The following IL1RAPL2 variants were observed in gnomAD, a reference collection of about 807,000 sequenced individuals.
IL1RAPL2 encodes the protein X-linked interleukin-1 receptor accessory protein-like 2.
A neutral mutation model predicts 44.1 loss-of-function variants in IL1RAPL2; 3 were observed. The ratio of observed to expected loss-of-function variants is 0.07; its 90% CI spans 0.03 to 0.18. The LOEUF (loss-of-function observed/expected upper bound fraction) is 0.18, where lower values mean the gene tolerates loss of function less well. IL1RAPL2 is among the 10% of genes least tolerant of loss of function. IL1RAPL2 has a pLI of 1.00. For missense variants in IL1RAPL2, 391 were observed against 496.4 expected (o/e 0.79, Z 2.02); for synonymous variants, 181 against 178.8 (o/e 1.01, Z -0.10).
intron 2 of IL1RAPL2, among the ~76,000 whole-genome samples, chrX:104,744,457 T>C (rs1932141018): frequency 9.0e-6 from 1 of 111,600 alleles, no homozygotes; most frequent in African/African-American, 3.3e-5. Context: ...TGTGTGACTT[T>C]CATCAAGTAA....
intron 2 of IL1RAPL2, among the ~76,000 whole-genome samples, chrX:104,724,263 G>A (rs778205598): frequency 2.3e-4 from 25 of 111,047 alleles, no homozygotes; most frequent in Non-Finnish European, 4.0e-4. Context: ...GAGGGATGAA[G>A]GGATGGCAAA....
At chrX:105,142,767 TCCCTCCCCCCTA>T (rs2033137353) in intron 2 of IL1RAPL2, among the ~76,000 whole-genome samples, 1 of 109,695 alleles carries the variant, frequency 9.1e-6, no homozygotes, top group Non-Finnish European at 1.9e-5. Context: ...TCCTAATGCA[TCCCTCCCCCCTA>T]CCCTCACCCC....
chrX:105,184,009 G>A (rs1484644641), intron 2 of IL1RAPL2, among the ~76,000 whole-genome samples: 4 of 111,167 alleles, frequency 3.6e-5, no homozygotes, highest in Non-Finnish European at 7.5e-5. Flanking sequence ...ATTAGTGCCA[G>A]GTTCCAGGAA....
intron 5 of IL1RAPL2, among the ~76,000 whole-genome samples, chrX:105,341,953 T>C (rs1449654947): frequency 9.1e-6 from 1 of 109,360 alleles, no homozygotes; most frequent in Non-Finnish European, 1.9e-5. Flanking sequence ...ATGTGGCACA[T>C]ATACACCATG....
intron 6 of IL1RAPL2, among the ~76,000 whole-genome samples, chrX:105,506,202 C>T (rs1160829030): frequency 3.6e-5 from 4 of 111,122 alleles, no homozygotes; most frequent in Non-Finnish European, 7.5e-5. Flanking sequence ...ATTTCAGTTA[C>T]CTATTACTCT....
At chrX:105,135,253 G>C (rs2033065585) in intron 2 of IL1RAPL2, among the ~76,000 whole-genome samples, 1 of 111,214 alleles carries the variant, frequency 9.0e-6, no homozygotes, top group Non-Finnish European at 1.9e-5. Context: ...ATTGTAGTGG[G>C]TGACTGGTGG....
chrX:105,381,630 T>C (rs1253636934), intron 5 of IL1RAPL2, among the ~76,000 whole-genome samples: 2 of 111,799 alleles, frequency 1.8e-5, no homozygotes, highest in Non-Finnish European at 3.8e-5. Flanking sequence ...TATGTGTATA[T>C]AATAGCTGTA....
intron 2 of IL1RAPL2, among the ~76,000 whole-genome samples, chrX:104,740,216 G>A (rs1932080610): frequency 9.0e-6 from 1 of 110,995 alleles, no homozygotes. Flanking sequence ...TCTAGTACAT[G>A]GTTTCAGGTC....
intron 7 of IL1RAPL2, among the ~76,000 whole-genome samples, chrX:105,737,822 C>T (rs1289703863): frequency 9.0e-6 from 1 of 111,525 alleles, no homozygotes; most frequent in Non-Finnish European, 1.9e-5. Flanking sequence ...CAATATAAAC[C>T]ATGAAAGTAG....
At chrX:105,187,721 G>C (rs1258703236) in intron 2 of IL1RAPL2, among the ~76,000 whole-genome samples, 1 of 111,693 alleles carries the variant, frequency 9.0e-6, no homozygotes, top group African/African-American at 3.3e-5. Flanking sequence ...TGGTTACAGG[G>C]GTGGAAAGTG....
chrX:104,914,522 T>C (rs1312602938), intron 2 of IL1RAPL2, among the ~76,000 whole-genome samples: 5 of 112,161 alleles, frequency 4.5e-5, no homozygotes, highest in Non-Finnish European at 9.4e-5. Context: ...CTATTGTTAA[T>C]TGAGAAAAGC....
intron 6 of IL1RAPL2, among the ~76,000 whole-genome samples, chrX:105,583,386 G>A (rs755919800): frequency 2.3e-4 from 26 of 110,921 alleles, no homozygotes; most frequent in Non-Finnish European, 4.7e-4. Context: ...CCCCTGCCTC[G>A]GCCTCCCAAA....
chrX:105,343,109 T>C (rs1016841713), intron 5 of IL1RAPL2, among the ~76,000 whole-genome samples: 1 of 111,710 alleles, frequency 9.0e-6, no homozygotes, highest in Non-Finnish European at 1.9e-5. Context: ...CAGGTAGCTA[T>C]GTTGAAGAGG....
At chrX:105,547,525 T>C (rs2036812930) in intron 6 of IL1RAPL2, among the ~76,000 whole-genome samples, 1 of 111,892 alleles carries the variant, frequency 8.9e-6, no homozygotes, top group Non-Finnish European at 1.9e-5. Flanking sequence ...GGGTCACCAA[T>C]TTGGGCCAAG....
intron 2 of IL1RAPL2, among the ~76,000 whole-genome samples, chrX:104,868,438 G>A (rs1414734757): frequency 9.0e-6 from 1 of 111,473 alleles, no homozygotes; most frequent in Non-Finnish European, 1.9e-5. Context: ...GAAAAATACC[G>A]ACGAAAACAA....
chrX:104,959,102 C>T (rs894337836), intron 2 of IL1RAPL2, among the ~76,000 whole-genome samples: 13 of 110,659 alleles, frequency 1.2e-4, no homozygotes, highest in Non-Finnish European at 1.3e-4. Context: ...TGTACCTCTC[C>T]TGATCAGATG....
intron 4 of IL1RAPL2, among the ~76,000 whole-genome samples, chrX:105,266,600 G>T (rs1399983726): frequency 8.9e-6 from 1 of 111,829 alleles, no homozygotes; most frequent in Non-Finnish European, 1.9e-5. Flanking sequence ...CCTTTCTAGA[G>T]AAGTCCAATC....
rs759412384 is a variant in IL1RAPL2, at chrX:105,577,232, G to A, written c.772+92845G>A. On this transcript the variant is annotated intron_variant, in intron 6 of 10. Transcript: ENST00000372582. ...AAAAATGGGCCTATATGATACTACC[G>A]GAAAATTACTTCCAGAAATAATTGC... is the stretch of plus-strand genomic sequence containing the variant. Among the ~76,000 whole-genome samples the A allele has an allele frequency of 2.2e-3, 247 of 111,030 alleles. 1 individual carries two copies. The Middle Eastern group carries it at 0.028, about 12-fold the overall frequency.
intron 3 of IL1RAPL2, among the ~76,000 whole-genome samples, chrX:105,208,743 A>C (rs1307190657): frequency 4.5e-5 from 5 of 111,701 alleles, no homozygotes; most frequent in African/African-American, 1.6e-4. Context: ...TACATTTTTA[A>C]TTTTTTATTC....
Sources: allele counts gnomAD v4.1 joint callset (sites outside exome capture counted in the v4.1 genomes callset), GRCh38; gene constraint gnomAD v4.1.1; transcripts MANE v1.5; gene names NCBI Gene and HGNC (gene_info 2026-07-23, HGNC 2026-07-21).